Variants in GRIA3 observed in about 807,000 individuals in gnomAD.
GRIA3 encodes glutamate ionotropic receptor AMPA type subunit 3.
GRIA3 carries 3 observed loss-of-function variants against 63.0 expected under a neutral mutation model. The observed-to-expected ratio is 0.05, with a 90% CI of 0.02 to 0.12. The LOEUF (loss-of-function observed/expected upper bound fraction) is 0.12, where lower values mean the gene tolerates loss of function less well. Ranked by LOEUF, GRIA3 falls within the 10% of genes least tolerant of loss-of-function variation. The pLI, the probability that GRIA3 is intolerant of heterozygous loss-of-function variation, is 1.00. For missense variants in GRIA3, 347 were observed against 700.9 expected (o/e 0.50, Z 5.70); for synonymous variants, 274 against 257.9 (o/e 1.06, Z -0.60).
Position 123,301,941 on chromosome X carries a change from AT to A in GRIA3, c.509-24083del, listed in dbSNP as rs1341064538. On this transcript the variant is annotated intron_variant, in intron 3 of 15. Coordinates refer to ENST00000620443, the MANE Select transcript of GRIA3 (RefSeq NM_007325.5). ...GCAACAAAATTCATCAAAACTTTAA[AT>A]TGTTTTCCCAGCAGTGGCTATGGCT... Among the ~76,000 whole-genome samples, 3 of 111,949 alleles carry A rather than the reference AT, an allele frequency of 2.7e-5. No individual in the cohort carries two copies. The Admixed American group carries it at 2.8e-4, about 11-fold the overall frequency.
intron 5 of GRIA3, among the ~76,000 whole-genome samples, chrX:123,386,611 A>G (rs1372853584): frequency 8.9e-6 from 1 of 111,793 alleles, no homozygotes; most frequent in African/African-American, 3.2e-5. Context: ...TAGGTCTTCA[A>G]TCCATCTGGA....
intron 3 of GRIA3, among the ~76,000 whole-genome samples, chrX:123,283,590 G>A (rs2044599703): frequency 1.8e-5 from 2 of 111,080 alleles, no homozygotes; most frequent in African/African-American, 6.5e-5. Context: ...CGAGACTTGA[G>A]TAGGCGGTTT....
At chrX:123,424,405 A>G (rs1427952730) in intron 11 of GRIA3, among the ~76,000 whole-genome samples, 1 of 111,647 alleles carries the variant, frequency 9.0e-6, no homozygotes, top group East Asian at 2.8e-4. Flanking sequence ...CAGTGAAAGG[A>G]TTGAGGCGCT....
chrX:123,208,307 G>A (rs1195502700), intron 2 of GRIA3, among the ~76,000 whole-genome samples: 1 of 112,134 alleles, frequency 8.9e-6, no homozygotes, highest in African/African-American at 3.2e-5. Flanking sequence ...CTGGGTTCCA[G>A]CCCCAACTCT....
intron 3 of GRIA3, among the ~76,000 whole-genome samples, chrX:123,321,884 C>G (rs1447938688): frequency 9.0e-6 from 1 of 111,568 alleles, no homozygotes; most frequent in Non-Finnish European, 1.9e-5. Flanking sequence ...CATAACAAAC[C>G]CTCAGCTCCC....
At chrX:123,285,238 G>A (rs1229030628) in intron 3 of GRIA3, among the ~76,000 whole-genome samples, 1 of 110,782 alleles carries the variant, frequency 9.0e-6, no homozygotes, top group Admixed American at 9.6e-5. Flanking sequence ...CCTTACAAGA[G>A]CTCCTGAAGG....
At chrX:123,372,628 T>C (rs1156262871) in intron 5 of GRIA3, among the ~76,000 whole-genome samples, 1 of 111,776 alleles carries the variant, frequency 8.9e-6, no homozygotes, top group Non-Finnish European at 1.9e-5. Flanking sequence ...GTAACTTTAT[T>C]TGTGGCTATT....
At chrX:123,289,118 A>G (rs2044639864) in intron 3 of GRIA3, among the ~76,000 whole-genome samples, 1 of 111,569 alleles carries the variant, frequency 9.0e-6, no homozygotes. Flanking sequence ...TGTCCTTTTC[A>G]GGGACAAGGA....
intron 5 of GRIA3, among the ~76,000 whole-genome samples, chrX:123,356,271 TTTCC>T (rs944387560): frequency 1.8e-5 from 2 of 110,255 alleles, no homozygotes; most frequent in African/African-American, 6.6e-5. Context: ...TCCTTTCTGT[TTTCC>T]TTCCTTCCTT....
chrX:123,235,824 T>TAA (rs201918042), intron 2 of GRIA3, among the ~76,000 whole-genome samples: 22 of 101,208 alleles, frequency 2.2e-4, no homozygotes, highest in African/African-American at 7.5e-4. Flanking sequence ...CCAGATACAT[T>TAA]AAAAAAAAAA....
chrX:123,310,727 G>T (rs915062742), intron 3 of GRIA3, among the ~76,000 whole-genome samples: 2 of 112,181 alleles, frequency 1.8e-5, no homozygotes, highest in African/African-American at 6.5e-5. Flanking sequence ...TCTCAACCAG[G>T]CATGGTGGCT....
rs12007995 is a variant in GRIA3, at chrX:123,330,082, G to T, written c.696+3869G>T. On this transcript the variant is annotated intron_variant, in intron 4 of 15. Transcript: ENST00000620443. The stretch of plus-strand genomic sequence containing the variant: ...CAATTCTCTGTGCCTCCATTTTTTC[G>T]TAGTAAAGTGAGAGTGATAACTGTA... Among the ~76,000 whole-genome samples, 450 of 111,439 alleles carry T rather than the reference G, an allele frequency of 4.0e-3. 3 individuals are homozygous for T. The highest frequency in any genetic ancestry group is 0.013 in the African/African-American group (405 of 30,620).
intron 3 of GRIA3, among the ~76,000 whole-genome samples, chrX:123,289,041 T>C (rs1448066363): frequency 8.9e-6 from 1 of 112,003 alleles, no homozygotes; most frequent in Non-Finnish European, 1.9e-5. Flanking sequence ...AATGATAGAC[T>C]GGATAAAGAA....
At chrX:123,470,561 C>T (rs1603175157) in intron 13 of GRIA3, among the ~76,000 whole-genome samples, 1 of 111,820 alleles carries the variant, frequency 8.9e-6, no homozygotes, top group Non-Finnish European at 1.9e-5. Flanking sequence ...CTTAGCAAGT[C>T]TTCTCTTCAA....
At chrX:123,259,973 G>A (rs2044441975) in intron 3 of GRIA3, among the ~76,000 whole-genome samples, 1 of 111,349 alleles carries the variant, frequency 9.0e-6, no homozygotes. Context: ...TCCTTCTTAA[G>A]GCATGGTATC....
chrX:123,283,360 A>G (rs1192561416), intron 3 of GRIA3, among the ~76,000 whole-genome samples: 3 of 110,849 alleles, frequency 2.7e-5, no homozygotes, highest in African/African-American at 9.8e-5. Context: ...TTTTTTTTTC[A>G]TACCCCAGTG....
chrX:123,364,888 T>G (rs972749291), intron 5 of GRIA3, among the ~76,000 whole-genome samples: 2 of 112,425 alleles, frequency 1.8e-5, no homozygotes, highest in African/African-American at 6.5e-5. Context: ...CCACGTGATC[T>G]CACGTATATG....
chrX:123,192,553 C>A (rs777944758), intron 2 of GRIA3, among the ~76,000 whole-genome samples: 3 of 112,014 alleles, frequency 2.7e-5, no homozygotes, highest in East Asian at 2.8e-4. Context: ...GTGGAAATAA[C>A]CAGCATATTC....
At chrX:123,187,260 G>A (rs1927303833) in intron 2 of GRIA3, among the ~76,000 whole-genome samples, 1 of 111,498 alleles carries the variant, frequency 9.0e-6, no homozygotes, top group African/African-American at 3.3e-5. Context: ...TGAAGACTTG[G>A]GCCAAGAGGA....
Sources: gnomAD v4.1 joint callset for allele counts (sites outside exome capture counted in the v4.1 genomes callset) on GRCh38, gnomAD v4.1.1 for gene constraint, MANE v1.5 for transcripts, NCBI Gene and HGNC (gene_info 2026-07-23, HGNC 2026-07-21) for gene names.